VPS8: variants seen among roughly 807,000 people sequenced by gnomAD.
VPS8 encodes vacuolar protein sorting-associated protein 8 homolog.
In VPS8, 129 loss-of-function variants were observed where a neutral mutation model predicts 216.4. The observed-to-expected ratio is 0.60, with a 90% CI of 0.52 to 0.69. The LOEUF (loss-of-function observed/expected upper bound fraction) is 0.69. VPS8 is among the 30% of genes least tolerant of loss of function. The probability of loss-of-function intolerance (pLI) is 0.00; values close to 1 mark genes in which losing one functional copy is unlikely to be tolerated. For missense variants in VPS8, 1,531 were observed against 1,683.5 expected, an observed-to-expected ratio of 0.91 and a Z score of 1.59; for synonymous variants, 571 against 565.4, an observed-to-expected ratio of 1.01 and a Z score of -0.14.
Position 184,930,107 on chromosome 3 carries a change from T to C in VPS8, c.2800-363T>C, listed in dbSNP as rs1030490451. On this transcript the variant is annotated intron_variant, in intron 33 of 47. Transcript: ENST00000625842. The stretch of plus-strand genomic sequence containing the variant: ...TTCAAGGAGCTGAGTAGAGATCATA[T>C]AGATGAAGTGAAAATCAGTATAGGT... 5.9e-5 allele frequency among the ~76,000 whole-genome samples: 9 copies of C among 152,152 alleles called. No individual in the cohort carries two copies. In the East Asian group the frequency reaches 1.5e-3, roughly 26 times the overall value.
intron 38 of VPS8, among the ~76,000 whole-genome samples, chr3:184,965,090 T>A (rs1210887725): frequency 2.0e-5 from 3 of 152,238 alleles, no homozygotes; most frequent in Non-Finnish European, 4.4e-5. Context: ...GCATTCTTGC[T>A]AACACTTTCT....
intron 26 of VPS8, 136 bp downstream of exon 26, chr3:184,913,697 A>C: frequency 1.5e-6 from 1 of 658,130 alleles, no homozygotes; most frequent in Non-Finnish European, 2.3e-6. Flanking sequence ...AGTGGTTCTC[A>C]ACCATGGATA....
At chr3:185,033,607 A>T (rs1475984396) in intron 46 of VPS8, among the ~76,000 whole-genome samples, 1 of 152,256 alleles carries the variant, frequency 6.6e-6, no homozygotes, top group Non-Finnish European at 1.5e-5. Context: ...AGGATTTTGC[A>T]TGGGCATCTC....
rs1438589692 is a variant in VPS8, at chr3:185,009,234, G to A, written c.4002+9373G>A. Among the ~76,000 whole-genome samples the A allele has an allele frequency of 3.3e-5, 5 of 152,106 alleles. No individual in the cohort carries two copies. In the East Asian group the frequency reaches 9.6e-4, roughly 29 times the overall value. On this transcript the variant is annotated intron_variant, in intron 45 of 47. Transcript: ENST00000625842. ...TATTTTATAGAACTAAGGTTTTGAT[G>A]GAAATATGAGATAAGGACATAAGAA... is the stretch of plus-strand genomic sequence containing the variant.
At chr3:185,027,404 G>A (rs138478374) in intron 46 of VPS8, among the ~76,000 whole-genome samples, 1,657 of 151,804 alleles carry the variant, frequency 0.011, 26 homozygotes, top group African/African-American at 0.038. Flanking sequence ...CACCACGCCC[G>A]GCTAATTTTT....
intron 46 of VPS8, among the ~76,000 whole-genome samples, chr3:185,046,693 C>T (rs1033025110): frequency 6.6e-6 from 1 of 152,172 alleles, no homozygotes; most frequent in Non-Finnish European, 1.5e-5. Context: ...CAAGCCCATA[C>T]ATTATGTCTA....
intron 45 of VPS8, among the ~76,000 whole-genome samples, chr3:185,015,198 T>A (rs1278318562): frequency 6.6e-6 from 1 of 152,220 alleles, no homozygotes; most frequent in Non-Finnish European, 1.5e-5. Context: ...TGGGTTAAAT[T>A]GTGAAAGTGT....
chr3:184,934,463 G>A (rs762327188), intron 34 of VPS8, among the ~76,000 whole-genome samples: 1 of 152,028 alleles, frequency 6.6e-6, no homozygotes, highest in Non-Finnish European at 1.5e-5. Context: ...GAGCCACCAC[G>A]CCCAGCCCCA....
intron 21 of VPS8, among the ~76,000 whole-genome samples, chr3:184,884,806 C>T (rs986403421): frequency 1.8e-4 from 27 of 152,330 alleles, no homozygotes; most frequent in African/African-American, 6.5e-4. Flanking sequence ...CAGCTTGGAA[C>T]TTACTGCTTT....
chr3:185,010,839 C>T lies in VPS8; in HGVS notation c.4002+10978C>T, dbSNP rs545216339. ...CAACATGATGAGACCCTGTCTCTACCGAAATTTTTAAAAAATTAGCCAAGC... is the reference window on the plus strand; with the variant it reads ...CAACATGATGAGACCCTGTCTCTACTGAAATTTTTAAAAAATTAGCCAAGC... On this transcript the variant is annotated intron_variant, in intron 45 of 47. Transcript: ENST00000625842. 2.8e-4 allele frequency among the ~76,000 whole-genome samples: 43 copies of T among 151,860 alleles called. 1 individual carries two copies. In the South Asian group the frequency reaches 3.1e-3, roughly 11 times the overall value.
intron 46 of VPS8, among the ~76,000 whole-genome samples, chr3:185,033,827 AG>A (rs1284247602): frequency 6.6e-6 from 1 of 152,220 alleles, no homozygotes; most frequent in East Asian, 1.9e-4. Flanking sequence ...CCATTCTAAT[AG>A]GTATGTAATG....
At position 184,936,111 on chromosome 3, in the gene VPS8, C is replaced by T. The variant is rs80287852; in HGVS notation, c.2899-135C>T. 172 of 591,510 alleles carry T rather than the reference C, an allele frequency of 2.9e-4. No homozygotes were observed. In the East Asian group the frequency reaches 4.8e-3, roughly 16 times the overall value. 36.6% of individuals were successfully genotyped at this position (591,510 alleles called of 1,614,324 possible). On this transcript the variant is annotated intron_variant, in intron 34 of 47. Coordinates refer to ENST00000625842, the MANE Select transcript of VPS8 (RefSeq NM_001009921.3). ...TTGCAAAGTGCGCTTTAAATTGAGG[C>T]CCTATATCAAGGTCTGCTGAAATGC...
chr3:184,962,042 G>T (rs535178751), intron 37 of VPS8, among the ~76,000 whole-genome samples: 1 of 152,228 alleles, frequency 6.6e-6, no homozygotes, highest in Non-Finnish European at 1.5e-5. Flanking sequence ...GATTACTGGC[G>T]TGAGCCAGTG....
Position 184,834,510 on chromosome 3 carries a change from G to GA in VPS8, c.354-130dup, listed in dbSNP as rs577471414. The GA allele has an allele frequency of 6.1e-3, 3,823 of 622,422 alleles. 1 individual carries two copies. Among genetic ancestry groups the GA allele is most frequent in the Middle Eastern group, 9.3e-3 (20 of 2,162 alleles). 38.6% of individuals were successfully genotyped at this position (622,422 alleles called of 1,614,324 possible). On this transcript the variant is annotated intron_variant, in intron 4 of 47. Coordinates refer to ENST00000625842, the MANE Select transcript of VPS8 (RefSeq NM_001009921.3). ...AACTTAAAGTATAATAATAATAAAA[G>GA]AAAAAAAAACAGATCTAACAAATTA...
chr3:184,824,336 G>A lies in VPS8; in HGVS notation c.-88-209G>A, dbSNP rs571432588. On this transcript the variant is annotated intron_variant, in intron 1 of 47. Transcript: ENST00000625842. Reference sequence around the variant, plus strand: ...TGGCGGGCCACTTCCTAAAGTCCTTGAGCCCAAGTTAGCTGTTCCTCCTTT... The same window carrying A: ...TGGCGGGCCACTTCCTAAAGTCCTTAAGCCCAAGTTAGCTGTTCCTCCTTT... The A allele has an allele frequency of 9.8e-5, 25 of 255,724 alleles. No homozygotes were observed. The South Asian group carries it at 1.9e-3, about 20-fold the overall frequency. The allele number at this position is 255,724 out of a possible 1,614,324, so 15.8% of individuals were successfully genotyped here.
chr3:184,965,804 T>A (rs574055042), intron 38 of VPS8, among the ~76,000 whole-genome samples: 2 of 152,208 alleles, frequency 1.3e-5, no homozygotes, highest in African/African-American at 4.8e-5. Flanking sequence ...ATGGTACAGG[T>A]ATGAGTCTAT....
intron 35 of VPS8, among the ~76,000 whole-genome samples, chr3:184,938,166 A>G (rs1456322630): frequency 6.6e-6 from 1 of 152,164 alleles, no homozygotes; most frequent in Non-Finnish European, 1.5e-5. Context: ...AGTAAAATGT[A>G]TAGGATCTGG....
chr3:184,946,039 A>G (rs964929539), intron 36 of VPS8, among the ~76,000 whole-genome samples: 1 of 152,236 alleles, frequency 6.6e-6, no homozygotes, highest in African/African-American at 2.4e-5. Context: ...AAACATCTCC[A>G]AAGACCAATC....
At chr3:184,872,648 TTTAA>T (rs1728552419) in intron 21 of VPS8, among the ~76,000 whole-genome samples, 1 of 152,118 alleles carries the variant, frequency 6.6e-6, no homozygotes, top group Admixed American at 6.6e-5. Context: ...TTTCTCTGGA[TTTAA>T]TTTTTACTAA....
Sources: allele counts gnomAD v4.1 joint callset (sites outside exome capture counted in the v4.1 genomes callset), GRCh38; gene constraint gnomAD v4.1.1; transcripts MANE v1.5; gene names NCBI Gene and HGNC (gene_info 2026-07-23, HGNC 2026-07-21).